Variants in CDC27 observed in about 807,000 individuals in gnomAD.
CDC27 encodes cell division cycle protein 27 homolog.
CDC27 carries 27 observed loss-of-function variants against 109.7 expected under a neutral mutation model. The ratio of observed to expected loss-of-function variants is 0.25; its 90% CI spans 0.18 to 0.34. The LOEUF is 0.34. CDC27 is among the 10% of genes least tolerant of loss of function. The pLI is 1.00. For missense variants in CDC27, 579 were observed against 960.2 expected (o/e 0.60, Z 5.25); for synonymous variants, 266 against 333.9 (o/e 0.80, Z 2.22).
intron 12 of CDC27, among the ~76,000 whole-genome samples, chr17:47,140,448 GACCT>G (rs750711189): frequency 2.0e-5 from 3 of 152,136 alleles, no homozygotes; most frequent in Non-Finnish European, 2.9e-5. Flanking sequence ...CAAGATAAAA[GACCT>G]ACCAGCCAAA....
At chr17:47,170,403 GAC>G (rs2063779403) in intron 3 of CDC27, 1 of 154,140 alleles carries the variant, frequency 6.5e-6, no homozygotes, top group African/African-American at 2.4e-5. Flanking sequence ...TCACTATGTT[GAC>G]CAGGCTGGTT....
intron 1 of CDC27, 140 bp downstream of exon 1, chr17:47,189,006 T>TA: frequency 6.7e-7 from 1 of 1,499,046 alleles, no homozygotes. Context: ...CCGAACTGAC[T>TA]AAAGATAGGC....
chr17:47,132,782 A>ATTATT (rs2062392273), intron 14 of CDC27, among the ~76,000 whole-genome samples: 2 of 105,368 alleles, frequency 1.9e-5, no homozygotes, highest in African/African-American at 3.8e-5. Context: ...TTATTATTAT[A>ATTATT]TTTTAAAGAT....
rs776017641 is a variant in CDC27 at position 47,122,571 on chromosome 17, G to A, written c.2265C>T (p.Leu755=). ...TAGCCCAAGAGAAATTCATCAGGGC[G>A]AGGTGCGTTTGACCTAACTTCTTGT... ...KVYKKLGQTH[L]ALMNFSWAMD... The change falls in exon 18 of 19, where the codon CTC becomes CTT. Residue 755 remains leucine, a synonymous_variant. Coordinates refer to ENST00000066544, the MANE Select transcript of CDC27 (RefSeq NM_001256.6). 6.2e-6 allele frequency: 10 copies of A among 1,605,760 alleles called. No homozygotes were observed. Among genetic ancestry groups the A allele is most frequent in the South Asian group, 3.4e-5 (3 of 89,420 alleles).
chr17:47,181,970 C>T (rs11570460), intron 1 of CDC27, among the ~76,000 whole-genome samples: 9,321 of 152,264 alleles, frequency 0.061, 319 homozygotes, highest in Middle Eastern at 0.11. Flanking sequence ...ATAACATCTG[C>T]CCCATAAAGC....
chr17:47,127,154 A>G (rs965438172), intron 16 of CDC27, among the ~76,000 whole-genome samples: 13 of 152,126 alleles, frequency 8.5e-5, no homozygotes, highest in East Asian at 5.8e-4. Context: ...ATGGTGGCTT[A>G]TGCCTGTAGT....
At chr17:47,170,221 T>G in intron 3 of CDC27, 179 bp from the exon 4 acceptor site, 2 of 445,386 alleles carry the variant, frequency 4.5e-6, no homozygotes, top group Non-Finnish European at 7.9e-6. Flanking sequence ...TTTAAAGAGA[T>G]AGGGTCTTGC....
In CDC27 at chr17:47,120,904, C is replaced by T. The variant is rs1427994195; in HGVS notation, c.*31G>A. On this transcript the variant is annotated 3_prime_UTR_variant, in exon 19 of 19. Transcript: ENST00000066544. ...AAGAAACACGTCAGCACTAGTCACACATCCAGTTGTAAAAGTCTGATTTCC... is the reference window on the plus strand; with the variant it reads ...AAGAAACACGTCAGCACTAGTCACATATCCAGTTGTAAAAGTCTGATTTCC... 6.7e-7 allele frequency: 1 copy of T among 1,501,564 alleles called. No individual in the cohort carries two copies. Among genetic ancestry groups the T allele is most frequent in the Non-Finnish European group, 9.3e-7 (1 of 1,079,760 alleles). 93.0% of individuals were successfully genotyped at this position (1,501,564 alleles called of 1,614,324 possible).
chr17:47,170,025 T>C lies in CDC27; in HGVS notation c.269A>G (p.Gln90Arg). Residue 90 changes from glutamine to arginine, a missense_variant, in exon 4 of 19, where the codon CAA (glutamine) becomes CGA (arginine). Gln to Arg is a conservative substitution (Grantham distance 43, BLOSUM62 1). Around this residue, in one of 9 missense-constraint regions of CDC27, gnomAD observed 52 missense variants for 63.4 expected, o/e 0.82. Coordinates refer to ENST00000066544, the MANE Select transcript of CDC27 (RefSeq NM_001256.6). ...VDLSKLAEGE[Q>R]ILSGGVFNKQ... is the part of the protein sequence containing the mutation. ...ATTAAACACTCCACCAGATAAGATT[T>C]GTTCCCCTTCTGCAAGCCTTTAAAA... is the stretch of plus-strand genomic sequence containing the variant. The C allele has an allele frequency of 6.5e-7, 1 of 1,535,846 alleles. No individual in the cohort carries two copies. The highest frequency in any genetic ancestry group is 8.7e-7 in the Non-Finnish European group (1 of 1,145,198).
chr17:47,148,307 G>A (rs1472023535), intron 9 of CDC27, among the ~76,000 whole-genome samples: 1 of 152,066 alleles, frequency 6.6e-6, no homozygotes, highest in Non-Finnish European at 1.5e-5. Flanking sequence ...CACTGGGTGT[G>A]GTTAATAACA....
At chr17:47,163,153 A>C (rs1304056425) in intron 4 of CDC27, among the ~76,000 whole-genome samples, 1 of 152,222 alleles carries the variant, frequency 6.6e-6, no homozygotes, top group East Asian at 1.9e-4. Context: ...GAAATAGGAT[A>C]ATTTAGGAAT....
At chr17:47,154,524 A>G in intron 8 of CDC27, 148 bp downstream of exon 8, 1 of 515,158 alleles carries the variant, frequency 1.9e-6, no homozygotes, top group Admixed American at 3.6e-5. Flanking sequence ...ACATTCTTTT[A>G]TATTTAGATC....
intron 2 of CDC27, among the ~76,000 whole-genome samples, chr17:47,176,178 CA>C (rs1262210726): frequency 6.6e-6 from 1 of 152,018 alleles, no homozygotes; most frequent in Non-Finnish European, 1.5e-5. Flanking sequence ...GATATTAATG[CA>C]GGGGGTACAT....
chr17:47,130,348 A>G (rs2062284395), intron 15 of CDC27, among the ~76,000 whole-genome samples: 1 of 152,146 alleles, frequency 6.6e-6, no homozygotes, highest in Non-Finnish European at 1.5e-5. Flanking sequence ...CGACAGAGCG[A>G]GACTCCGTCT....
chr17:47,127,370 T>C (rs1469012428), intron 16 of CDC27, among the ~76,000 whole-genome samples: 2 of 152,190 alleles, frequency 1.3e-5, no homozygotes, highest in South Asian at 2.1e-4. Flanking sequence ...ATAAATTATA[T>C]ATTTAATCCC....
At chr17:47,156,387 C>G (rs558152036) in intron 7 of CDC27, among the ~76,000 whole-genome samples, 58 of 152,176 alleles carry the variant, frequency 3.8e-4, no homozygotes, top group African/African-American at 1.3e-3. Flanking sequence ...ATCTGCCCAC[C>G]TTGGTCTCCC....
At position 47,189,245 on chromosome 17, in the gene CDC27, G is replaced by T; in HGVS notation, c.-73C>A. ...AGCGGCTCCGGCCCGGCCAGCCCCT[G>T]CTCATTTAAACTCACCAGCGACCGT... On this transcript the variant is annotated 5_prime_UTR_variant, in exon 1 of 19. Transcript: ENST00000066544. 3 of 1,223,104 alleles carry T rather than the reference G, an allele frequency of 2.5e-6. No homozygotes were observed. Among genetic ancestry groups the T allele is most frequent in the Non-Finnish European group, 3.6e-6 (3 of 827,010 alleles). The allele number at this position is 1,223,104 out of a possible 1,614,324, so 75.8% of individuals were successfully genotyped here. A position where few individuals can be genotyped will look rare whatever the true frequency, so the allele number is the denominator to read the frequency against.
At chr17:47,134,717 G>A (rs1294900129) in intron 14 of CDC27, among the ~76,000 whole-genome samples, 4 of 150,722 alleles carry the variant, frequency 2.7e-5, no homozygotes, top group African/African-American at 7.3e-5. Context: ...CTCATGATTC[G>A]CCCATCTCAG....
At position 47,137,153 on chromosome 17, in the gene CDC27, A is replaced by G. The variant is rs74348171; in HGVS notation, c.1912T>C (p.Trp638Arg). The G allele has an allele frequency of 6.4e-7, 1 of 1,571,470 alleles. No individual in the cohort carries two copies. Among genetic ancestry groups the G allele is most frequent in the Non-Finnish European group, 8.7e-7 (1 of 1,150,354 alleles). ...TCTTTGTACTTCATTACCACTTACC[A>G]TGCATTATAATGTCTAGGATTGACT... is the stretch of plus-strand genomic sequence containing the variant. ...IRVNPRHYNA[W>R]YGLGMIYYKQ... Residue 638 changes from tryptophan to arginine, a missense_variant and splice_region_variant, in exon 14 of 19, where the codon TGG (tryptophan) becomes CGG (arginine). By Grantham distance (101) the Trp-to-Arg change is moderately radical (BLOSUM62 -3). Around this residue, in one of 9 missense-constraint regions of CDC27, gnomAD observed 227 missense variants for 363.6 expected, o/e 0.62. Transcript: ENST00000066544.
Sources: allele counts gnomAD v4.1 joint callset (sites outside exome capture counted in the v4.1 genomes callset), GRCh38; gene constraint gnomAD v4.1.1; regional missense constraint gnomAD v4.1.1; transcripts MANE v1.5; gene names NCBI Gene and HGNC (gene_info 2026-07-23, HGNC 2026-07-21).